Variants in ATM observed in about 807,000 individuals in gnomAD.
ATM encodes ATM serine/threonine kinase.
Under a neutral mutation model 387.0 loss-of-function variants are expected in ATM, and 308 were observed. That is an observed-to-expected ratio of 0.80 (90% CI 0.73 to 0.87). ATM has a LOEUF of 0.87. Among genes scored for constraint, ATM ranks in the 40% least tolerant of loss-of-function variants. The pLI is 0.00. For missense variants in ATM, 3,312 were observed against 3,560.9 expected (o/e 0.93, Z 1.78); for synonymous variants, 1,156 against 1,187.3 (o/e 0.97, Z 0.54).
intron 18 of ATM, among the ~76,000 whole-genome samples, chr11:108,270,302 A>G (rs970826254): frequency 1.3e-5 from 2 of 152,174 alleles, no homozygotes; most frequent in African/African-American, 4.8e-5. Context: ...ATTCATTAAT[A>G]GTTTTCAACC....
intron 3 of ATM, among the ~76,000 whole-genome samples, chr11:108,228,503 A>T (rs1241541315): frequency 6.6e-6 from 1 of 152,238 alleles, no homozygotes; most frequent in Non-Finnish European, 1.5e-5. Flanking sequence ...AGAGTATTAA[A>T]TAAACTAGAA....
chr11:108,296,674 A>C (rs1210703083), intron 32 of ATM, among the ~76,000 whole-genome samples: 2 of 152,228 alleles, frequency 1.3e-5, no homozygotes, highest in African/African-American at 4.8e-5. Context: ...TGTAAATAGA[A>C]ACACCATTAT....
chr11:108,326,582 T>C (rs1365389255), intron 47 of ATM, among the ~76,000 whole-genome samples: 1 of 152,170 alleles, frequency 6.6e-6, no homozygotes. Flanking sequence ...AGAACTAAAT[T>C]AGAAAATAAA....
intron 5 of ATM, among the ~76,000 whole-genome samples, chr11:108,238,723 AT>A (rs898070092): frequency 4.0e-5 from 6 of 149,890 alleles, no homozygotes; most frequent in Non-Finnish European, 5.9e-5. Context: ...GTAAGCAGTA[AT>A]TTTTTTTTCT....
intron 36 of ATM, 107 bp downstream of exon 36, chr11:108,303,136 C>A: frequency 8.6e-7 from 1 of 1,161,330 alleles, no homozygotes; most frequent in Non-Finnish European, 1.2e-6. Context: ...CCCACTCAAA[C>A]TGTTGTAAAT....
rs371687129 is a variant in ATM at position 108,334,922 on chromosome 11, A to C, written c.8011-47A>C. 7 of 1,575,934 alleles carry C rather than the reference A, an allele frequency of 4.4e-6. No individual in the cohort carries two copies. The African/African-American group carries it at 8.1e-5, about 18-fold the overall frequency. ...TTATAATGTATTTTTCTTTAAGTGC[A>C]AATAGTGTATCTGACCTATTATCAA... On this transcript the variant is annotated intron_variant, in intron 54 of 62. Coordinates refer to ENST00000675843, the MANE Select transcript of ATM (RefSeq NM_000051.4).
At chr11:108,229,555 T>C in intron 4 of ATM, 1 of 455,632 alleles carries the variant, frequency 2.2e-6, no homozygotes, top group South Asian at 2.9e-5. Flanking sequence ...AAGAAATCTG[T>C]AACTGGTTGT....
chr11:108,243,954 ATTG>A lies in ATM; in HGVS notation c.501_503del (p.Leu167del), dbSNP rs1555066242. The A allele has an allele frequency of 6.4e-7, 1 of 1,550,818 alleles. No homozygotes were observed. Among genetic ancestry groups the A allele is most frequent in the Non-Finnish European group, 8.7e-7 (1 of 1,148,740 alleles). ...TAATAATTTTTTTTTTTTTTTAAGAATTGTTCTCTGTGTACTTCAGGCTCTATC... is the reference window on the plus strand; with the variant it reads ...TAATAATTTTTTTTTTTTTTTAAGAATTCTCTGTGTACTTCAGGCTCTATC... On this transcript the variant is annotated inframe_deletion and splice_region_variant, in exon 6 of 63. Transcript: ENST00000675843.
At chr11:108,311,085 A>C (rs949099223) in intron 39 of ATM, among the ~76,000 whole-genome samples, 5 of 152,128 alleles carry the variant, frequency 3.3e-5, no homozygotes, top group African/African-American at 1.2e-4. Context: ...CTCCTGCCTC[A>C]GCCTCCAAGT....
At chr11:108,357,907 C>T (rs541143991) in intron 61 of ATM, among the ~76,000 whole-genome samples, 2,402 of 150,986 alleles carry the variant, frequency 0.016, 71 homozygotes, top group African/African-American at 0.055. Flanking sequence ...TCCAAAGGAA[C>T]GCAGTTCCTC....
At chr11:108,272,214 A>T (rs1350884318) in intron 20 of ATM, among the ~76,000 whole-genome samples, 1 of 152,214 alleles carries the variant, frequency 6.6e-6, no homozygotes, top group East Asian at 1.9e-4. Context: ...CAAACAAAGA[A>T]ATCTTCAATA....
At chr11:108,351,917 C>T (rs1044665832) in intron 59 of ATM, among the ~76,000 whole-genome samples, 20 of 152,056 alleles carry the variant, frequency 1.3e-4, no homozygotes, top group Non-Finnish European at 2.1e-4. Flanking sequence ...TGGACATATC[C>T]GGGGAACCTG....
intron 61 of ATM, among the ~76,000 whole-genome samples, chr11:108,361,187 C>G (rs2090702213): frequency 8.6e-6 from 1 of 115,824 alleles, no homozygotes; most frequent in Non-Finnish European, 1.8e-5. Flanking sequence ...TGAGTGAACT[C>G]CCATTCACAA....
chr11:108,252,047 T>C lies in ATM; in HGVS notation c.1802+16T>C, dbSNP rs995327985. On this transcript the variant is annotated intron_variant, in intron 11 of 62. Transcript: ENST00000675843. Reference sequence around the variant, plus strand: ...TTCTTCACAGGTAATTTAAGTTCATTAGCATGCTGCTGTTTTTTTTGTTTG... The same window carrying C: ...TTCTTCACAGGTAATTTAAGTTCATCAGCATGCTGCTGTTTTTTTTGTTTG... The C allele has an allele frequency of 5.0e-6, 8 of 1,606,644 alleles. No homozygotes were observed. In the Middle Eastern group the frequency reaches 6.5e-4, roughly 130 times the overall value.
At chr11:108,329,527 C>T (rs1440263948) in intron 49 of ATM, among the ~76,000 whole-genome samples, 1 of 152,068 alleles carries the variant, frequency 6.6e-6, no homozygotes, top group African/African-American at 2.4e-5. Context: ...TGATTCTCCC[C>T]CTGAGCCCCC....
chr11:108,317,541 T>TG lies in ATM; in HGVS notation c.6347+20_6347+21insG. On this transcript the variant is annotated intron_variant, in intron 43 of 62. Coordinates refer to ENST00000675843, the MANE Select transcript of ATM (RefSeq NM_000051.4). ...CGTCAGGTAAGAAATTTGACTTGATTTTTTTTTTTTTGCCTCTCTCCTCAT... is the reference window on the plus strand; with the variant it reads ...CGTCAGGTAAGAAATTTGACTTGATTGTTTTTTTTTTTGCCTCTCTCCTCAT... The TG allele has an allele frequency of 7.5e-7, 1 of 1,329,256 alleles. No homozygotes were observed. Among genetic ancestry groups the TG allele is most frequent in the Non-Finnish European group, 1.0e-6 (1 of 1,002,760 alleles). 82.3% of individuals were successfully genotyped at this position (1,329,256 alleles called of 1,614,324 possible).
At chr11:108,321,737 G>A (rs1226018550) in intron 45 of ATM, among the ~76,000 whole-genome samples, 1 of 151,400 alleles carries the variant, frequency 6.6e-6, no homozygotes, top group African/African-American at 2.4e-5. Flanking sequence ...GTGGTGAGCC[G>A]AGATTGCGCC....
In ATM at chr11:108,366,799, C is replaced by T. The variant is rs528218018; in HGVS notation, c.*1291C>T. On this transcript the variant is annotated 3_prime_UTR_variant, in exon 63 of 63. Coordinates refer to ENST00000675843, the MANE Select transcript of ATM (RefSeq NM_000051.4). ...CTTTTTCACTGAGAGTATAAGCTTC[C>T]ATGTGTCCCACCTTTATGGCAGGGG... 1.3e-5 allele frequency: 3 copies of T among 230,306 alleles called. No homozygotes were observed. Among genetic ancestry groups the T allele is most frequent in the African/African-American group, 2.2e-5 (1 of 45,292 alleles). 14.3% of individuals were successfully genotyped at this position (230,306 alleles called of 1,614,324 possible).
At chr11:108,346,043 C>G in intron 58 of ATM, 135 bp downstream of exon 58, 1 of 922,796 alleles carries the variant, frequency 1.1e-6, no homozygotes, top group Non-Finnish European at 1.7e-6. Context: ...ACCAACCCAT[C>G]TTCATTATTA....
Sources: gnomAD v4.1 joint callset for allele counts (sites outside exome capture counted in the v4.1 genomes callset) on GRCh38, gnomAD v4.1.1 for gene constraint, MANE v1.5 for transcripts, NCBI Gene and HGNC (gene_info 2026-07-23, HGNC 2026-07-21) for gene names.